The following LAMA2 variants were observed in gnomAD, a reference collection of about 807,000 sequenced individuals.
LAMA2 encodes laminin subunit alpha-2.
A neutral mutation model predicts 364.8 loss-of-function variants in LAMA2; 269 were observed. The ratio of observed to expected loss-of-function variants is 0.74; its 90% confidence interval spans 0.67 to 0.82. The LOEUF (loss-of-function observed/expected upper bound fraction) is 0.82. Among genes scored for constraint, LAMA2 ranks in the 40% least tolerant of loss-of-function variants. The probability of loss-of-function intolerance (pLI) is 0.00; values close to 1 mark genes in which losing one functional copy is unlikely to be tolerated. For missense variants in LAMA2, 3,807 were observed against 3,873.2 expected (o/e 0.98, Z 0.45); for synonymous variants, 1,379 against 1,370.6 (o/e 1.01, Z -0.14).
Position 129,465,154 on chromosome 6 carries a change from A to G in LAMA2, c.7165A>G (p.Met2389Val). 3 of 1,610,316 alleles carry G rather than the reference A, an allele frequency of 1.9e-6. No homozygotes were observed. Among genetic ancestry groups the G allele is most frequent in the Non-Finnish European group, 2.5e-6 (3 of 1,177,146 alleles). ...TTTACTCTATTAATAGAGAGATTTC[A>G]TGAGTGTGGAGCTCACTGATGGGCA... ...YLATRDLRDF[M>V]SVELTDGHIK... Residue 2389 changes from methionine to valine, a missense_variant, in exon 51 of 65, where the codon ATG becomes GTG. Around this residue, in one of 3 missense-constraint regions of LAMA2, gnomAD observed 3,333 missense variants for 3,345.7 expected, o/e 1.00. Transcript: ENST00000421865.
At chr6:128,956,328 G>A (rs1781143432) in intron 1 of LAMA2, among the ~76,000 whole-genome samples, 1 of 151,968 alleles carries the variant, frequency 6.6e-6, no homozygotes, top group Non-Finnish European at 1.5e-5. Flanking sequence ...AGACCCTGGG[G>A]TATGTCTATT....
chr6:129,503,677 G>A (rs1338893924), intron 60 of LAMA2, among the ~76,000 whole-genome samples: 5 of 152,144 alleles, frequency 3.3e-5, no homozygotes, highest in African/African-American at 9.7e-5. Context: ...CATTTTTATG[G>A]TGGCTAAAAG....
chr6:129,172,699 A>G (rs1583185218), intron 9 of LAMA2, among the ~76,000 whole-genome samples: 1 of 152,192 alleles, frequency 6.6e-6, no homozygotes, highest in Non-Finnish European at 1.5e-5. Flanking sequence ...GGTGGGCTCC[A>G]CCCAGTTGGA....
chr6:129,154,476 GTTTATTAA>G (rs1167511180), intron 7 of LAMA2, 21 bp from the exon 8 acceptor site: 2 of 1,559,442 alleles, frequency 1.3e-6, no homozygotes, highest in East Asian at 4.5e-5. Flanking sequence ...TCAAATTGAT[GTTTATTAA>G]TTTATTTTTC....
intron 1 of LAMA2, among the ~76,000 whole-genome samples, chr6:128,983,236 A>G (rs1469825693): frequency 6.6e-6 from 1 of 152,124 alleles, no homozygotes; most frequent in South Asian, 2.1e-4. Flanking sequence ...CCAACAGTGT[A>G]AAAGTGTTCC....
chr6:128,910,948 C>T (rs1239159325), intron 1 of LAMA2, among the ~76,000 whole-genome samples: 4 of 151,354 alleles, frequency 2.6e-5, no homozygotes, highest in African/African-American at 7.3e-5. Flanking sequence ...TTAGGCTGCT[C>T]GGGGGTCAGG....
intron 11 of LAMA2, among the ~76,000 whole-genome samples, chr6:129,191,381 A>C (rs1401862257): frequency 6.6e-6 from 1 of 152,204 alleles, no homozygotes; most frequent in Non-Finnish European, 1.5e-5. Context: ...TATCAACTGT[A>C]TTGCTTTCAG....
chr6:128,890,973 CAA>C (rs1298140927), intron 1 of LAMA2, among the ~76,000 whole-genome samples: 4 of 152,068 alleles, frequency 2.6e-5, no homozygotes, highest in African/African-American at 9.7e-5. Context: ...TCAGTTAAGA[CAA>C]AAGTCTTCCA....
chr6:129,127,071 G>GA (rs139394131), intron 4 of LAMA2, among the ~76,000 whole-genome samples: 7,271 of 152,032 alleles, frequency 0.048, 215 homozygotes, highest in Middle Eastern at 0.1. Context: ...TGTCTCAAAA[G>GA]AAAAAAAGAA....
At chr6:129,366,394 G>A (rs1435145075) in intron 33 of LAMA2, 33 bp downstream of exon 33, 1 of 1,611,394 alleles carries the variant, frequency 6.2e-7, no homozygotes, top group Non-Finnish European at 8.5e-7. Context: ...AAGGGCCAGG[G>A]ACAAGGTGAC....
chr6:129,427,718 T>G, intron 40 of LAMA2, 34 bp from the exon 41 acceptor site: 1 of 1,478,016 alleles, frequency 6.8e-7, no homozygotes, highest in Middle Eastern at 1.7e-4. Context: ...ATTCTATGGT[T>G]TTAGATGTAT....
At chr6:129,106,410 T>G (rs1775827257) in intron 4 of LAMA2, among the ~76,000 whole-genome samples, 1 of 152,146 alleles carries the variant, frequency 6.6e-6, no homozygotes, top group Admixed American at 6.6e-5. Context: ...TGTATGGAAA[T>G]GAGGGAATGG....
intron 20 of LAMA2, among the ~76,000 whole-genome samples, chr6:129,292,095 C>T (rs1034297435): frequency 6.6e-6 from 1 of 152,126 alleles, no homozygotes; most frequent in African/African-American, 2.4e-5. Context: ...GCCTGTAATC[C>T]CAGCACTTTG....
rs73599067 is a variant in LAMA2 at position 129,202,754 on chromosome 6, A to G, written c.1782+9901A>G. Among the ~76,000 whole-genome samples the G allele has an allele frequency of 7.6e-3, 1,158 of 152,338 alleles. 17 individuals are homozygous for G. The highest frequency in any genetic ancestry group is 0.027 in the African/African-American group (1,118 of 41,576). On this transcript the variant is annotated intron_variant, in intron 12 of 64. Transcript: ENST00000421865. Reference sequence around the variant, plus strand: ...TACTATCAGTCTATAATTCTTTACCAGGCAAAAATGTCTTCCAAAACTGAA... The same window carrying G: ...TACTATCAGTCTATAATTCTTTACCGGGCAAAAATGTCTTCCAAAACTGAA...
chr6:129,293,105 G>T (rs1420115963), intron 20 of LAMA2: 21 of 985,012 alleles, frequency 2.1e-5, no homozygotes, highest in Non-Finnish European at 2.5e-5. Flanking sequence ...GCCTCTGCAT[G>T]TTGTGTTCTG....
chr6:129,436,304 CCATGCCAAATGCTTGTATATGTGTCAG>C (rs1463722580), intron 41 of LAMA2, among the ~76,000 whole-genome samples: 1 of 152,118 alleles, frequency 6.6e-6, no homozygotes, highest in Non-Finnish European at 1.5e-5. Context: ...CCAGCCCCTA[CCATGCCAAATGCTTGTATATGTGTCAG>C]CATATATATG....
chr6:129,515,116 A>T (rs760952557), intron 64 of LAMA2, among the ~76,000 whole-genome samples: 10 of 152,230 alleles, frequency 6.6e-5, no homozygotes, highest in Non-Finnish European at 1.3e-4. Context: ...TAAATATAGC[A>T]TGTGAACTGT....
chr6:129,328,266 C>T lies in LAMA2; in HGVS notation c.4177-12C>T. ...TAACTTTGCTGTCCTAATTGGCTTCCTTTTCTTTCAGGCATGCTTGCCGGG... is the reference window on the plus strand; with the variant it reads ...TAACTTTGCTGTCCTAATTGGCTTCTTTTTCTTTCAGGCATGCTTGCCGGG... On this transcript the variant is annotated splice_polypyrimidine_tract_variant and intron_variant, in intron 28 of 64. Transcript: ENST00000421865. 5 of 1,613,710 alleles carry T rather than the reference C, an allele frequency of 3.1e-6. No homozygotes were observed. Among genetic ancestry groups the T allele is most frequent in the Non-Finnish European group, 4.2e-6 (5 of 1,179,672 alleles).
chr6:129,054,519 G>A (rs1788327797), intron 2 of LAMA2, among the ~76,000 whole-genome samples: 1 of 152,064 alleles, frequency 6.6e-6, no homozygotes, highest in Admixed American at 6.6e-5. Flanking sequence ...GGAGGTGCGA[G>A]TGTGTAGACG....
Sources: gnomAD v4.1 joint callset for allele counts (sites outside exome capture counted in the v4.1 genomes callset) on GRCh38, gnomAD v4.1.1 for gene constraint, gnomAD v4.1.1 regional missense constraint, MANE v1.5 for transcripts, NCBI Gene and HGNC (gene_info 2026-07-23, HGNC 2026-07-21) for gene names.